Variants in SASH1 observed in about 807,000 individuals in gnomAD.
The protein encoded by SASH1 is SAM and SH3 domain containing 1.
In SASH1, 44 loss-of-function variants were observed where a neutral mutation model predicts 125.2. The ratio of observed to expected loss-of-function variants is 0.35; its 90% confidence interval spans 0.28 to 0.45. SASH1 has a LOEUF of 0.45. Among genes scored for constraint, SASH1 ranks in the 20% least tolerant of loss-of-function variants. The pLI is 1.00. For missense variants in SASH1, 1,426 were observed against 1,614.5 expected, an observed-to-expected ratio of 0.88 and a Z score of 2.00; for synonymous variants, 639 against 649.1, an observed-to-expected ratio of 0.98 and a Z score of 0.24.
intron 4 of SASH1, among the ~76,000 whole-genome samples, chr6:148,442,053 T>C (rs1184817027): frequency 7.2e-5 from 11 of 152,230 alleles, no homozygotes; most frequent in Admixed American, 6.5e-4. Context: ...TTTTGAAAAC[T>C]ATGCTATCCT....
intron 2 of SASH1, among the ~76,000 whole-genome samples, chr6:148,435,044 AG>A (rs34370653): frequency 0.89 from 134,657 of 151,708 alleles, 59,951 homozygotes; most frequent in African/African-American, 0.94. Context: ...TCTCTATTGG[AG>A]GGGGTGAGGA....
At chr6:148,331,742 A>G (rs1250146275) in intron 1 of SASH1, among the ~76,000 whole-genome samples, 4 of 151,950 alleles carry the variant, frequency 2.6e-5, no homozygotes, top group Non-Finnish European at 5.9e-5. Context: ...CCCAACTTGA[A>G]CTGCAGTGGT....
the SASH1 span, among the ~76,000 whole-genome samples, chr6:148,201,912 C>T: frequency 6.6e-6 from 1 of 152,062 alleles, no homozygotes; most frequent in Non-Finnish European, 1.5e-5. Context: ...CTGGACACAG[C>T]CTGCAGATGT....
At chr6:148,546,263 G>C in intron 19 of SASH1, 117 bp downstream of exon 19, 1 of 1,213,250 alleles carries the variant, frequency 8.2e-7, no homozygotes, top group Non-Finnish European at 1.1e-6. Flanking sequence ...AAAGGAGACA[G>C]CTGGGGAGAA....
intron 7 of SASH1, among the ~76,000 whole-genome samples, chr6:148,487,033 TATATATATTTG>T (rs1778895733): frequency 1.3e-5 from 1 of 77,464 alleles, no homozygotes; most frequent in South Asian, 4.3e-4. Flanking sequence ...ATATATTTGT[TATATATATTTG>T]TTTTATATAT....
At position 148,529,920 on chromosome 6, in the gene SASH1, C is replaced by T. The variant is rs1417101714; in HGVS notation, c.1429-1606C>T. Among the ~76,000 whole-genome samples, 1 of 152,066 alleles carries T rather than the reference C, an allele frequency of 6.6e-6. No individual in the cohort carries two copies. Among genetic ancestry groups the T allele is most frequent in the African/African-American group, 2.4e-5 (1 of 41,398 alleles). On this transcript the variant is annotated intron_variant, in intron 12 of 19. Transcript: ENST00000367467. This position sits in a 1 kb window ranked among gnomAD's most constrained non-coding sequence, Gnocchi z 4.2. Reference sequence around the variant, plus strand: ...CTCCTGGGTTCAAGCGATTCTCCCACCTCAGCCTCTTGAGTAGCTGGGACT... The same window carrying T: ...CTCCTGGGTTCAAGCGATTCTCCCATCTCAGCCTCTTGAGTAGCTGGGACT...
chr6:148,455,466 G>T (rs1039861891), intron 4 of SASH1, among the ~76,000 whole-genome samples: 1 of 152,156 alleles, frequency 6.6e-6, no homozygotes, highest in African/African-American at 2.4e-5. Context: ...GCAGGTGCTG[G>T]TGCGCTCACA....
In SASH1 at chr6:148,302,311, CAAAAAAAAAAAA is replaced by C. The variant is rs1174644909; in HGVS notation, n.74+29953_74+29964del. ...TGGGCGACAGAGCAAGACTCCGTCT[CAAAAAAAAAAAA>C]AAAAAAAAAAAAAAAAAACTAGTAA... On this transcript the variant is annotated intron_variant and non_coding_transcript_variant, in intron 1 of 3. Coordinates refer to the SASH1 transcript ENST00000367469. 1.6e-3 allele frequency among the ~76,000 whole-genome samples: 71 copies of C among 44,886 alleles called. 1 individual carries two copies. The highest frequency in any genetic ancestry group is 3.6e-3 in the South Asian group (4 of 1,104). The allele number at this position is 44,886 out of a possible 152,430, so 29.4% of individuals were successfully genotyped here.
At chr6:148,545,663 G>A (rs145303213) in intron 18 of SASH1, among the ~76,000 whole-genome samples, 2 of 152,350 alleles carry the variant, frequency 1.3e-5, no homozygotes, top group African/African-American at 4.8e-5. Context: ...ATTGTGTTCT[G>A]CCTTAACTAT....
chr6:148,460,462 G>T (rs566676958), intron 4 of SASH1, among the ~76,000 whole-genome samples: 1 of 152,282 alleles, frequency 6.6e-6, no homozygotes, highest in East Asian at 1.9e-4. Context: ...AGATTAGATG[G>T]TATTACTGTT....
At chr6:148,295,841 G>A (rs925127254) in intron 1 of SASH1, among the ~76,000 whole-genome samples, 1 of 152,212 alleles carries the variant, frequency 6.6e-6, no homozygotes, top group Non-Finnish European at 1.5e-5. Context: ...GGTGGGTGGG[G>A]ACAACTGCTG....
At chr6:148,392,515 G>T (rs1783772975) in intron 2 of SASH1, among the ~76,000 whole-genome samples, 1 of 152,160 alleles carries the variant, frequency 6.6e-6, no homozygotes, top group Non-Finnish European at 1.5e-5. Context: ...GCAAGTGGTT[G>T]GGTACCACTG....
At chr6:148,244,139 C>G in the SASH1 span, among the ~76,000 whole-genome samples, 1 of 152,194 alleles carries the variant, frequency 6.6e-6, no homozygotes, top group Non-Finnish European at 1.5e-5. Context: ...TTGTTCTTTG[C>G]TCTCAACACA....
chr6:148,527,680 G>A, intron 12 of SASH1, 84 bp downstream of exon 12: 1 of 1,320,176 alleles, frequency 7.6e-7, no homozygotes, highest in Admixed American at 2.2e-5. Flanking sequence ...TTTAAATGGT[G>A]CTAAATACAC....
At chr6:148,243,146 T>C in the SASH1 span, among the ~76,000 whole-genome samples, 415 of 152,042 alleles carry the variant, frequency 2.7e-3, 1 homozygote, top group African/African-American at 9.1e-3. Flanking sequence ...CGAAAACCCA[T>C]CTCTACTAAC....
intron 1 of SASH1, among the ~76,000 whole-genome samples, chr6:148,344,892 A>G (rs1439546571): frequency 6.6e-6 from 1 of 151,742 alleles, no homozygotes; most frequent in East Asian, 1.9e-4. Context: ...AGTAGCTGGG[A>G]TTACAGGCGC....
chr6:148,443,165 AAT>A (rs67400888), intron 4 of SASH1, among the ~76,000 whole-genome samples: 15,430 of 129,702 alleles, frequency 0.12, 939 homozygotes, highest in South Asian at 0.27. Context: ...AAAAAAAAAA[AAT>A]GGCTCACGGC....
intron 1 of SASH1, among the ~76,000 whole-genome samples, chr6:148,387,522 TC>T (rs1476901671): frequency 2.0e-5 from 3 of 151,010 alleles, no homozygotes; most frequent in Non-Finnish European, 3.0e-5. Context: ...TTTCCTTCTT[TC>T]TTTCTTTCTT....
At chr6:148,329,307 G>C (rs1286877419) in intron 1 of SASH1, among the ~76,000 whole-genome samples, 2 of 152,150 alleles carry the variant, frequency 1.3e-5, no homozygotes, top group African/African-American at 4.8e-5. Flanking sequence ...CAGAAAATCT[G>C]GTGCCTGCTC....
Sources: gnomAD v4.1 joint callset for allele counts (sites outside exome capture counted in the v4.1 genomes callset) on GRCh38, gnomAD v4.1.1 for gene constraint, Gnocchi (gnomAD v3.1) non-coding constraint, MANE v1.5 for transcripts, NCBI Gene and HGNC (gene_info 2026-07-23, HGNC 2026-07-21) for gene names.